SPAG9: variants seen among roughly 807,000 people sequenced by gnomAD.
SPAG9 encodes C-Jun-amino-terminal kinase-interacting protein 4.
SPAG9 carries 35 observed loss-of-function variants against 166.5 expected under a neutral mutation model. The observed-to-expected ratio is 0.21, with a 90% CI of 0.16 to 0.28. SPAG9 has a LOEUF of 0.28. Among genes scored for constraint, SPAG9 ranks in the 10% least tolerant of loss-of-function variants. The pLI, the probability that SPAG9 is intolerant of heterozygous loss-of-function variation, is 1.00. For missense variants in SPAG9, 1,235 were observed against 1,603.3 expected (o/e 0.77, Z 3.92); for synonymous variants, 534 against 565.5 (o/e 0.94, Z 0.79).
At chr17:51,077,085 G>T (rs62062985) in intron 2 of SPAG9, among the ~76,000 whole-genome samples, 2,438 of 109,390 alleles carry the variant, frequency 0.022, 24 homozygotes, top group Non-Finnish European at 0.028. Flanking sequence ...TAGCTATCTA[G>T]CTAGCTATCT....
rs146331290 is a variant in SPAG9, at chr17:51,088,561, C to T, written c.304-8857G>A. Among the ~76,000 whole-genome samples the T allele has an allele frequency of 5.6e-3, 847 of 152,208 alleles. 5 individuals carry two copies. Among genetic ancestry groups the T allele is most frequent in the African/African-American group, 0.019 (780 of 41,550 alleles). ...CCTGTAATCTCAGTACTTTGGGAGG[C>T]CAAGGTGGGCAGATCACGAGATCAG... On this transcript the variant is annotated intron_variant, in intron 1 of 29. Transcript: ENST00000262013.
intron 1 of SPAG9, among the ~76,000 whole-genome samples, chr17:51,110,903 A>G (rs1263552437): frequency 6.6e-6 from 1 of 152,016 alleles, no homozygotes; most frequent in Non-Finnish European, 1.5e-5. Flanking sequence ...GCAGATCACG[A>G]GGTCAGATTG....
chr17:51,048,983 T>G (rs889940669), intron 3 of SPAG9, among the ~76,000 whole-genome samples: 1 of 152,240 alleles, frequency 6.6e-6, no homozygotes, highest in Non-Finnish European at 1.5e-5. Flanking sequence ...AGCTTCCTTG[T>G]GTCAGGAAGA....
intron 2 of SPAG9, among the ~76,000 whole-genome samples, chr17:51,065,547 C>CAGAT (rs2144567824): frequency 6.6e-6 from 1 of 152,264 alleles, no homozygotes; most frequent in East Asian, 1.9e-4. Flanking sequence ...AAAGAATAGG[C>CAGAT]AGATGGTTGC....
At position 51,037,687 on chromosome 17, in the gene SPAG9, T is replaced by TATATATA. The variant is rs1568028331; in HGVS notation, c.741+3813_741+3814insTATATAT. On this transcript the variant is annotated intron_variant, in intron 5 of 29. Transcript: ENST00000262013. ...GTTTTATATATATATATATATATAG[T>TATATATA]GTGTGTGTGTGTGTGTGTGTGTGTG... 6.1e-3 allele frequency among the ~76,000 whole-genome samples: 452 copies of TATATATA among 74,114 alleles called. 9 individuals are homozygous for TATATATA. The highest frequency in any genetic ancestry group is 0.02 in the African/African-American group (408 of 20,558). 48.6% of individuals were successfully genotyped at this position (74,114 alleles called of 152,430 possible). A position where few individuals can be genotyped will look rare whatever the true frequency, so the allele number is the denominator to read the frequency against.
rs140574120 is a variant in SPAG9, at chr17:51,076,717, T to C, written c.424+2867A>G. 6.7e-4 allele frequency among the ~76,000 whole-genome samples: 100 copies of C among 148,694 alleles called. No individual in the cohort carries two copies. The East Asian group carries it at 0.017, about 25-fold the overall frequency. On this transcript the variant is annotated intron_variant, in intron 2 of 29. Transcript: ENST00000262013. ...CACCACTGCACTCCAGCCTGGGCGA[T>C]AGAACAAGACTCCGTCTTAAAAAAA...
intron 6 of SPAG9, among the ~76,000 whole-genome samples, chr17:51,022,170 C>A (rs958634564): frequency 6.7e-6 from 1 of 150,130 alleles, no homozygotes; most frequent in South Asian, 2.1e-4. Flanking sequence ...ATTCCAGCCA[C>A]GCACATGCCT....
chr17:51,041,907 G>A (rs1306145098), intron 4 of SPAG9, among the ~76,000 whole-genome samples: 1 of 152,164 alleles, frequency 6.6e-6, no homozygotes, highest in Admixed American at 6.5e-5. Context: ...AGTTACTGAC[G>A]AGTTCCTTGC....
rs73986883 is a variant in SPAG9, at chr17:51,046,603, T to C, written c.590+772A>G. ...AGAGATACTAAGATAGCAGAATTAA[T>C]GACCACCGCCCCGCCAACAAAGCCA... On this transcript the variant is annotated intron_variant, in intron 4 of 29. Transcript: ENST00000262013. 125 of 1,536,038 alleles carry C rather than the reference T, an allele frequency of 8.1e-5. No individual in the cohort carries two copies. In the African/African-American group the frequency reaches 1.2e-3, roughly 15 times the overall value.
At chr17:51,068,148 T>A (rs970120061) in intron 2 of SPAG9, among the ~76,000 whole-genome samples, 12 of 152,134 alleles carry the variant, frequency 7.9e-5, no homozygotes, top group African/African-American at 2.9e-4. Flanking sequence ...CTCAGAAGAT[T>A]GACATGTGGT....
intron 7 of SPAG9, 62 bp downstream of exon 7, chr17:51,021,096 T>C: frequency 7.2e-7 from 1 of 1,392,586 alleles, no homozygotes; most frequent in Non-Finnish European, 1.0e-6. Flanking sequence ...TATTTTCTCA[T>C]ACCCACATTA....
At chr17:50,999,583 A>C in intron 14 of SPAG9, 78 bp downstream of exon 14, 1 of 1,491,838 alleles carries the variant, frequency 6.7e-7, no homozygotes, top group Non-Finnish European at 9.2e-7. Flanking sequence ...TGGACATAAA[A>C]TCATTCTTGG....
chr17:51,019,820 C>T (rs1453005929), intron 8 of SPAG9, among the ~76,000 whole-genome samples: 1 of 152,128 alleles, frequency 6.6e-6, no homozygotes, highest in Non-Finnish European at 1.5e-5. Flanking sequence ...CCATTGCACT[C>T]CAGCCTGGGC....
chr17:50,976,019 A>C (rs967898997), intron 27 of SPAG9: 1 of 739,684 alleles, frequency 1.4e-6, no homozygotes, highest in Non-Finnish European at 2.3e-6. Context: ...CAAAGCCCCT[A>C]ACGAAAATAA....
Position 50,988,609 on chromosome 17 carries a change from G to A in SPAG9, c.2813+1068C>T, listed in dbSNP as rs565774728. ...GTTCTGTTTCCCAGGCGGCAGTGCA[G>A]TGGTGATATCATGGCCCACTGTAGC... On this transcript the variant is annotated intron_variant, in intron 21 of 29. Transcript: ENST00000262013. Among the ~76,000 whole-genome samples, 7 of 152,336 alleles carry A rather than the reference G, an allele frequency of 4.6e-5. No homozygotes were observed. In the South Asian group the frequency reaches 1.2e-3, roughly 27 times the overall value.
In SPAG9 at chr17:50,985,792, G is replaced by A. The variant is rs1975004663; in HGVS notation, c.2940-14C>T. The A allele has an allele frequency of 4.0e-6, 6 of 1,490,098 alleles. No homozygotes were observed. The highest frequency in any genetic ancestry group is 4.7e-6 in the Non-Finnish European group (5 of 1,070,220). 92.3% of individuals were successfully genotyped at this position (1,490,098 alleles called of 1,614,324 possible). A position where few individuals can be genotyped will look rare whatever the true frequency, so the allele number is the denominator to read the frequency against. Reference sequence around the variant, plus strand: ...TGGACATACAAACTGTAAGAACAAAGTCAACACTGGTAAGGCATAGAGAAC... The same window carrying A: ...TGGACATACAAACTGTAAGAACAAAATCAACACTGGTAAGGCATAGAGAAC... On this transcript the variant is annotated splice_polypyrimidine_tract_variant and intron_variant, in intron 22 of 29. Coordinates refer to ENST00000262013, the MANE Select transcript of SPAG9 (RefSeq NM_001130528.3).
intron 1 of SPAG9, among the ~76,000 whole-genome samples, chr17:51,114,988 A>G (rs1006952919): frequency 1.3e-5 from 2 of 152,088 alleles, no homozygotes; most frequent in African/African-American, 2.4e-5. Flanking sequence ...GAGAACACTA[A>G]AACAAGAACA....
intron 1 of SPAG9, among the ~76,000 whole-genome samples, chr17:51,105,825 G>T (rs1233478321): frequency 1.3e-5 from 2 of 151,552 alleles, no homozygotes; most frequent in African/African-American, 2.4e-5. Context: ...AGCCGAGATT[G>T]CGCCACTGCA....
chr17:51,021,563 T>C (rs1262400388), intron 6 of SPAG9, among the ~76,000 whole-genome samples, 198 bp from the exon 7 acceptor site: 1 of 152,196 alleles, frequency 6.6e-6, no homozygotes, highest in African/African-American at 2.4e-5. Context: ...AAGTAAACTG[T>C]ATTTTTTCAA....
Sources: allele counts gnomAD v4.1 joint callset (sites outside exome capture counted in the v4.1 genomes callset), GRCh38; gene constraint gnomAD v4.1.1; transcripts MANE v1.5; gene names NCBI Gene and HGNC (gene_info 2026-07-23, HGNC 2026-07-21).